SH3BP4: variants seen among roughly 807,000 people sequenced by gnomAD.
SH3BP4 encodes the protein SH3 domain-binding protein 4.
In SH3BP4, 33 loss-of-function variants were observed where a neutral mutation model predicts 65.5. The ratio of observed to expected loss-of-function variants is 0.50; its 90% CI spans 0.38 to 0.67. The LOEUF is 0.67. Ranked by LOEUF, SH3BP4 falls within the 30% of genes least tolerant of loss-of-function variation. The pLI, the probability that SH3BP4 is intolerant of heterozygous loss-of-function variation, is 0.00. For synonymous variants in SH3BP4, 552 were observed against 545.5 expected, an observed-to-expected ratio of 1.01 and a Z score of -0.17; for missense variants, 1,134 against 1,261.4, an observed-to-expected ratio of 0.90 and a Z score of 1.53.
chr2:235,051,505 T>G (rs1271375951), intron 4 of SH3BP4, among the ~76,000 whole-genome samples: 1 of 152,158 alleles, frequency 6.6e-6, no homozygotes, highest in East Asian at 1.9e-4. Context: ...TCTGTCCTAT[T>G]ACCTCCCCTC....
chr2:235,047,433 G>A (rs545327223), intron 4 of SH3BP4, among the ~76,000 whole-genome samples: 21 of 152,324 alleles, frequency 1.4e-4, no homozygotes, highest in African/African-American at 4.6e-4. Context: ...CTGCGTGGTC[G>A]GTGGGCTCCC....
chr2:235,021,918 C>T (rs1694856447), intron 2 of SH3BP4, among the ~76,000 whole-genome samples: 1 of 152,032 alleles, frequency 6.6e-6, no homozygotes, highest in East Asian at 1.9e-4. Context: ...GGAGTAATTG[C>T]TCATCTGTTT....
chr2:234,962,463 T>TA (rs1208379016), intron 1 of SH3BP4, among the ~76,000 whole-genome samples: 1 of 152,128 alleles, frequency 6.6e-6, no homozygotes, highest in East Asian at 1.9e-4. Context: ...AAAATAATAA[T>TA]AAAAAAACCT....
At position 234,976,994 on chromosome 2, in the gene SH3BP4, C is replaced by T. The variant is rs1693186606; in HGVS notation, c.-206-18309C>T. On this transcript the variant is annotated intron_variant, in intron 1 of 5. Transcript: ENST00000392011. This position sits in a 1 kb window ranked among gnomAD's most constrained non-coding sequence, Gnocchi z 4.7. ...TTGTTTGATGATAGTGCACCGACAT[C>T]CATTGTGACAAAGGTGCCGTCCTCC... 6.6e-6 allele frequency among the ~76,000 whole-genome samples: 1 copy of T among 152,228 alleles called. No individual in the cohort carries two copies.
At chr2:234,982,593 G>A (rs757506239) in intron 1 of SH3BP4, among the ~76,000 whole-genome samples, 5 of 152,194 alleles carry the variant, frequency 3.3e-5, no homozygotes, top group South Asian at 4.1e-4. Context: ...GGCTATCCCC[G>A]AGACCTGGGA....
chr2:234,999,246 C>T (rs1261093452), intron 2 of SH3BP4, among the ~76,000 whole-genome samples: 2 of 152,300 alleles, frequency 1.3e-5, no homozygotes, highest in Non-Finnish European at 2.9e-5. Flanking sequence ...CTGCCTTACA[C>T]CTTTCTTAAA....
At chr2:235,029,860 C>T (rs1277250287) in intron 2 of SH3BP4, among the ~76,000 whole-genome samples, 2 of 152,160 alleles carry the variant, frequency 1.3e-5, no homozygotes, top group African/African-American at 4.8e-5. Flanking sequence ...TGATGGGTCA[C>T]TCTAGGACCT....
At chr2:234,955,462 G>C (rs1574768946) in intron 1 of SH3BP4, among the ~76,000 whole-genome samples, 3 of 152,144 alleles carry the variant, frequency 2.0e-5, no homozygotes, top group East Asian at 3.9e-4. Flanking sequence ...CCAGCTCCTC[G>C]GTGGGCCCTG....
intron 2 of SH3BP4, among the ~76,000 whole-genome samples, chr2:235,027,374 A>C (rs925866046): frequency 6.8e-6 from 1 of 146,722 alleles, no homozygotes; most frequent in African/African-American, 2.5e-5. Context: ...CTTCTCCACT[A>C]TAGCAACGGG....
chr2:235,010,802 TTCCTCCCTCTTCTAGAACCC>T (rs1188557282), intron 2 of SH3BP4, among the ~76,000 whole-genome samples: 3 of 103,304 alleles, frequency 2.9e-5, no homozygotes, highest in South Asian at 7.2e-4. Context: ...AGGAGAAACC[TTCCTCCCTCTTCTAGAACCC>T]TTCCTCCCTC....
intron 3 of SH3BP4, among the ~76,000 whole-genome samples, chr2:235,038,366 A>ATATATT (rs1248934629): frequency 2.5e-5 from 1 of 39,684 alleles, no homozygotes; most frequent in African/African-American, 1.2e-4. Flanking sequence ...ATATATATAT[A>ATATATT]ATATATATAC....
chr2:235,019,147 A>G (rs1180216043), intron 2 of SH3BP4, among the ~76,000 whole-genome samples: 4 of 152,184 alleles, frequency 2.6e-5, no homozygotes, highest in African/African-American at 9.6e-5. Context: ...ATGCAGCGAG[A>G]TGCCCTTGGA....
In SH3BP4 at chr2:234,952,811, C is replaced by G. The variant is rs910522178; in HGVS notation, c.-207+641C>G. The G allele has an allele frequency of 1.3e-5, 2 of 152,216 alleles. No individual in the cohort carries two copies. The highest frequency in any genetic ancestry group is 4.8e-5 in the African/African-American group (2 of 41,466). The allele number at this position is 152,216 out of a possible 1,614,324, so 9.4% of individuals were successfully genotyped here. On this transcript the variant is annotated intron_variant, in intron 1 of 5. Transcript: ENST00000392011. The surrounding 1 kb of genome is among the most constrained non-coding windows in gnomAD (Gnocchi z 6.5). Reference sequence around the variant, plus strand: ...GGTGACAGCGCCGGCGGCCCGCGGGCGGGGACCGGCTGGGATAGAGGCGCG... The same window carrying G: ...GGTGACAGCGCCGGCGGCCCGCGGGGGGGGACCGGCTGGGATAGAGGCGCG...
At chr2:234,986,651 G>A (rs1354489207) in intron 1 of SH3BP4, among the ~76,000 whole-genome samples, 2 of 151,918 alleles carry the variant, frequency 1.3e-5, no homozygotes, top group African/African-American at 2.4e-5. Context: ...TCCTGATCTC[G>A]GGTGAGTCTT....
intron 1 of SH3BP4, among the ~76,000 whole-genome samples, chr2:234,962,148 T>G (rs1692729076): frequency 6.6e-6 from 1 of 152,158 alleles, no homozygotes; most frequent in Non-Finnish European, 1.5e-5. Context: ...AGCTTTTGGT[T>G]TTTTTGGAGA....
rs1190984741 is a variant in SH3BP4, at chr2:235,034,485, T to A, written c.-132-386T>A. On this transcript the variant is annotated intron_variant, in intron 2 of 5. Coordinates refer to ENST00000392011, the MANE Select transcript of SH3BP4 (RefSeq NM_014521.3). This position sits in a 1 kb window ranked among gnomAD's most constrained non-coding sequence, Gnocchi z 6.2. ...GCCACTCTGAACAAGCAGAGGCCGA[T>A]TTTTCCTTTTCCGAGCCCTGCAGCT... Among the ~76,000 whole-genome samples the A allele has an allele frequency of 2.0e-5, 3 of 152,182 alleles. No homozygotes were observed. Among genetic ancestry groups the A allele is most frequent in the African/African-American group, 7.2e-5 (3 of 41,446 alleles).
At chr2:234,989,185 C>G (rs1320785178) in intron 1 of SH3BP4, among the ~76,000 whole-genome samples, 1 of 152,186 alleles carries the variant, frequency 6.6e-6, no homozygotes, top group South Asian at 2.1e-4. Context: ...GCCATGAAGT[C>G]TCTGTGTAGT....
intron 1 of SH3BP4, among the ~76,000 whole-genome samples, chr2:234,993,648 T>C (rs1031956396): frequency 2.0e-5 from 3 of 152,228 alleles, no homozygotes; most frequent in Non-Finnish European, 4.4e-5. Flanking sequence ...CCCAGGTTTT[T>C]TTCAGTGCCC....
In SH3BP4 at chr2:234,977,355, C is replaced by G. The variant is rs1231357563; in HGVS notation, c.-206-17948C>G. Among the ~76,000 whole-genome samples the G allele has an allele frequency of 1.3e-5, 2 of 152,212 alleles. No homozygotes were observed. Among genetic ancestry groups the G allele is most frequent in the Non-Finnish European group, 2.9e-5 (2 of 68,052 alleles). ...CTCCCAGTTGGGCCGAGGCCCATCT[C>G]TTTTCCCAACAGCACATCCTTTGTT... On this transcript the variant is annotated intron_variant, in intron 1 of 5. Transcript: ENST00000392011. This position sits in a 1 kb window ranked among gnomAD's most constrained non-coding sequence, Gnocchi z 5.1.
Sources: gnomAD v4.1 joint callset for allele counts (sites outside exome capture counted in the v4.1 genomes callset) on GRCh38, gnomAD v4.1.1 for gene constraint, Gnocchi (gnomAD v3.1) non-coding constraint, MANE v1.5 for transcripts, NCBI Gene and HGNC (gene_info 2026-07-23, HGNC 2026-07-21) for gene names.